The following RNF4 variants were observed in gnomAD, a reference collection of about 807,000 sequenced individuals.
RNF4 encodes E3 ubiquitin-protein ligase RNF4.
RNF4 carries 7 observed loss-of-function variants against 24.3 expected under a neutral mutation model. The ratio of observed to expected loss-of-function variants is 0.29; its 90% CI spans 0.16 to 0.54. RNF4 has a LOEUF of 0.54. Ranked by LOEUF, RNF4 falls within the 20% of genes least tolerant of loss-of-function variation. RNF4 has a pLI of 0.95. For synonymous variants in RNF4, 83 were observed against 84.3 expected (o/e 0.98, Z 0.09); for missense variants, 209 against 248.5 (o/e 0.84, Z 1.07).
chr4:2,472,880 A>T (rs575222736), intron 1 of RNF4, among the ~76,000 whole-genome samples: 1 of 151,720 alleles, frequency 6.6e-6, no homozygotes, highest in African/African-American at 2.4e-5. Context: ...CTCTACTAAA[A>T]ATACAAAAAA....
At chr4:2,502,884 T>C (rs996155370) in intron 4 of RNF4, among the ~76,000 whole-genome samples, 3 of 151,100 alleles carry the variant, frequency 2.0e-5, no homozygotes, top group Admixed American at 1.3e-4. Flanking sequence ...AGGGTCTCAC[T>C]CTGTTGCCCA....
At chr4:2,508,542 G>A (rs1452080212) in intron 4 of RNF4, among the ~76,000 whole-genome samples, 3 of 152,198 alleles carry the variant, frequency 2.0e-5, no homozygotes, top group Non-Finnish European at 2.9e-5. Context: ...TGAGAGGCCA[G>A]GCTGTGGTCG....
chr4:2,512,716 C>T lies in RNF4; in HGVS notation c.374+119C>T, dbSNP rs1736303292. The T allele has an allele frequency of 8.5e-7, 1 of 1,175,400 alleles. No homozygotes were observed. The highest frequency in any genetic ancestry group is 1.2e-6 in the Non-Finnish European group (1 of 845,918). The allele number at this position is 1,175,400 out of a possible 1,614,324, so 72.8% of individuals were successfully genotyped here. On this transcript the variant is annotated intron_variant, in intron 6 of 7. Transcript: ENST00000314289. The surrounding 1 kb of genome is among the most constrained non-coding windows in gnomAD (Gnocchi z 4.1). ...TGGAAGGGCTTGCCCAAGCCTCTACCCAGCATCTGGATACAGTTGGAACTG... is the reference window on the plus strand; with the variant it reads ...TGGAAGGGCTTGCCCAAGCCTCTACTCAGCATCTGGATACAGTTGGAACTG...
intron 1 of RNF4, among the ~76,000 whole-genome samples, chr4:2,484,537 C>T (rs1039893870): frequency 2.0e-5 from 3 of 151,826 alleles, no homozygotes; most frequent in Admixed American, 2.0e-4. Context: ...GGGAGTTAGC[C>T]CCATTGTACG....
At chr4:2,469,850 T>TGG in intron 1 of RNF4, 1 of 152,606 alleles carries the variant, frequency 6.6e-6, no homozygotes, top group African/African-American at 2.4e-5. Flanking sequence ...GGCTGGTGGT[T>TGG]GGTGGAACGT....
intron 1 of RNF4, among the ~76,000 whole-genome samples, chr4:2,483,317 T>C (rs1735297746): frequency 6.6e-6 from 1 of 152,152 alleles, no homozygotes; most frequent in Admixed American, 6.5e-5. Context: ...GGTGTTCTAC[T>C]CAATTAAAGA....
At chr4:2,471,380 C>G (rs1734904407) in intron 1 of RNF4, among the ~76,000 whole-genome samples, 1 of 152,188 alleles carries the variant, frequency 6.6e-6, no homozygotes, top group Non-Finnish European at 1.5e-5. Context: ...TGGGTGTGTA[C>G]TAACAGCTCC....
chr4:2,488,772 A>G (rs536952478), intron 1 of RNF4, among the ~76,000 whole-genome samples: 78 of 152,262 alleles, frequency 5.1e-4, no homozygotes, highest in Non-Finnish European at 7.9e-4. Flanking sequence ...CCCCAAGGTC[A>G]CAGGTTGGGG....
intron 1 of RNF4, among the ~76,000 whole-genome samples, chr4:2,475,953 T>G (rs1735058037): frequency 6.6e-6 from 1 of 152,178 alleles, no homozygotes; most frequent in African/African-American, 2.4e-5. Flanking sequence ...TTTTGTGTGG[T>G]GGGAAAGCAC....
chr4:2,474,798 G>A (rs1270769150), intron 1 of RNF4, among the ~76,000 whole-genome samples: 1 of 152,170 alleles, frequency 6.6e-6, no homozygotes, highest in Non-Finnish European at 1.5e-5. Flanking sequence ...GCCGAGGCAG[G>A]CGGATCACCT....
In RNF4 at chr4:2,472,051, G is replaced by T. The variant is rs1734924486; in HGVS notation, c.-158+2793G>T. Among the ~76,000 whole-genome samples, 4 of 152,258 alleles carry T rather than the reference G, an allele frequency of 2.6e-5. No individual in the cohort carries two copies. The South Asian group carries it at 8.3e-4, about 32-fold the overall frequency. On this transcript the variant is annotated intron_variant, in intron 1 of 7. Transcript: ENST00000314289. The stretch of plus-strand genomic sequence containing the variant: ...TATATGGAAAAAAAAATACTATCTA[G>T]GACTTTCATAGCTAGAGAAAGGTCA...
intron 2 of RNF4, among the ~76,000 whole-genome samples, chr4:2,495,534 G>A (rs894700052): frequency 1.9e-4 from 29 of 152,150 alleles, no homozygotes; most frequent in African/African-American, 6.7e-4. Flanking sequence ...ACTTGTCCCA[G>A]GTTGTCCAGT....
Position 2,500,667 on chromosome 4 carries a change from G to A in RNF4, c.133G>A (p.Glu45Lys), listed in dbSNP as rs1735882803. 1 of 1,613,766 alleles carries A rather than the reference G, an allele frequency of 6.2e-7. No individual in the cohort carries two copies. Among genetic ancestry groups the A allele is most frequent in the African/African-American group, 1.3e-5 (1 of 74,946 alleles). The part of the protein sequence containing the change: ...PIELVETAGD[E>K]IVDLTCESLE... ...AATACTTTCTTTTGAAGCTGGAGATGAAATTGTGGACCTCACTTGTGAATC... is the reference window on the plus strand; with the variant it reads ...AATACTTTCTTTTGAAGCTGGAGATAAAATTGTGGACCTCACTTGTGAATC... The change falls in exon 4 of 8, where the codon GAA becomes AAA. Residue 45 changes from glutamate to lysine, a missense_variant. Transcript: ENST00000314289.
intron 3 of RNF4, among the ~76,000 whole-genome samples, chr4:2,498,376 C>T (rs1251071864): frequency 3.9e-5 from 6 of 151,916 alleles, no homozygotes; most frequent in African/African-American, 1.2e-4. Context: ...TTAGTAGAGA[C>T]GGGGTTTCAC....
At chr4:2,491,443 C>T (rs1735576243) in intron 2 of RNF4, among the ~76,000 whole-genome samples, 1 of 152,070 alleles carries the variant, frequency 6.6e-6, no homozygotes, top group South Asian at 2.1e-4. Flanking sequence ...GCCATGTTGG[C>T]CAGGCTATTT....
chr4:2,484,067 T>TCCCCCCCCCCCCCCCCCCCCCCCCCCCC lies in RNF4; in HGVS notation c.-157-6262_-157-6261insCCCCCCCCCCCCCCCCCCCCCCCCCCCC, dbSNP rs56727538. Among the ~76,000 whole-genome samples the TCCCCCCCCCCCCCCCCCCCCCCCCCCCC allele has an allele frequency of 1.5e-4, 2 of 13,248 alleles. 1 individual carries two copies. Among genetic ancestry groups the TCCCCCCCCCCCCCCCCCCCCCCCCCCCC allele is most frequent in the Non-Finnish European group, 3.1e-4 (2 of 6,352 alleles). The allele number at this position is 13,248 out of a possible 152,430, so 8.7% of individuals were successfully genotyped here. A position where few individuals can be genotyped will look rare whatever the true frequency, so the allele number is the denominator to read the frequency against. On this transcript the variant is annotated intron_variant, in intron 1 of 7. Transcript: ENST00000314289. Reference sequence around the variant, plus strand: ...GTCTCGAACTCCTGGCCTCAGGTGATCCCCCCCCGCCTCGGCCTCCCAAAG... The same window carrying TCCCCCCCCCCCCCCCCCCCCCCCCCCCC: ...GTCTCGAACTCCTGGCCTCAGGTGATCCCCCCCCCCCCCCCCCCCCCCCCCCCCCCCCCCCCGCCTCGGCCTCCCAAAG...
intron 1 of RNF4, among the ~76,000 whole-genome samples, chr4:2,484,452 A>G (rs1415404168): frequency 6.6e-6 from 1 of 152,134 alleles, no homozygotes; most frequent in African/African-American, 2.4e-5. Flanking sequence ...TGATAGAGAC[A>G]CATGCACATA....
chr4:2,497,304 A>T (rs377036277), intron 3 of RNF4, 183 bp downstream of exon 3: 1 of 499,004 alleles, frequency 2.0e-6, no homozygotes, highest in East Asian at 3.3e-5. Flanking sequence ...TAACTGTTCA[A>T]CTCTGGTAAT....
intron 4 of RNF4, chr4:2,504,970 G>A (rs1006871990): frequency 6.6e-6 from 1 of 152,088 alleles, no homozygotes; most frequent in East Asian, 1.9e-4. Context: ...CTGACCTCAG[G>A]TGATCCACTC....
Sources: allele counts gnomAD v4.1 joint callset (sites outside exome capture counted in the v4.1 genomes callset), GRCh38; gene constraint gnomAD v4.1.1; non-coding constraint Gnocchi (gnomAD v3.1); transcripts MANE v1.5; gene names NCBI Gene and HGNC (gene_info 2026-07-23, HGNC 2026-07-21).